NT5C2: variants seen among roughly 807,000 people sequenced by gnomAD.
The protein encoded by NT5C2 is 5'-nucleotidase, cytosolic II, also known as cytosolic purine 5'-nucleotidase.
NT5C2 carries 58 observed loss-of-function variants against 76.1 expected under a neutral mutation model. That is an observed-to-expected ratio of 0.76 (90% confidence interval 0.62 to 0.95). The LOEUF is 0.95. NT5C2 is among the 40% of genes least tolerant of loss of function. The probability of loss-of-function intolerance (pLI) is 0.00; values close to 1 mark genes in which losing one functional copy is unlikely to be tolerated. For missense variants in NT5C2, 478 were observed against 690.3 expected, an observed-to-expected ratio of 0.69 and a Z score of 3.45; for synonymous variants, 229 against 237.4, an observed-to-expected ratio of 0.96 and a Z score of 0.32.
At chr10:103,108,929 A>T (rs887727939) in intron 4 of NT5C2, among the ~76,000 whole-genome samples, 4 of 150,604 alleles carry the variant, frequency 2.7e-5, no homozygotes, top group African/African-American at 9.8e-5. Flanking sequence ...CGTGATCTTG[A>T]CTCACTGCAA....
chr10:103,149,237 T>C (rs951911070), intron 3 of NT5C2, among the ~76,000 whole-genome samples: 2 of 152,208 alleles, frequency 1.3e-5, no homozygotes, highest in African/African-American at 4.8e-5. Flanking sequence ...GCCCAGTTTC[T>C]GGGATGTTTA....
At chr10:103,153,327 G>C in intron 3 of NT5C2, 1 of 1,280,274 alleles carries the variant, frequency 7.8e-7, no homozygotes, top group Non-Finnish European at 1.0e-6. Flanking sequence ...ACTTCCTCTG[G>C]ATGAGAATAC....
At chr10:103,176,446 A>C (rs935007361) in intron 2 of NT5C2, among the ~76,000 whole-genome samples, 14 of 152,098 alleles carry the variant, frequency 9.2e-5, no homozygotes, top group African/African-American at 3.4e-4. Context: ...CAAATCCCTG[A>C]GCCAGAAGTG....
intron 12 of NT5C2, among the ~76,000 whole-genome samples, 196 bp downstream of exon 12, chr10:103,095,743 C>T (rs1406344542): frequency 1.3e-5 from 2 of 152,156 alleles, no homozygotes; most frequent in African/African-American, 4.8e-5. Context: ...AAGTTGCGGA[C>T]TCTAAATTAG....
Position 103,089,753 on chromosome 10 carries a change from G to A in NT5C2, c.1605C>T (p.Asn535=), listed in dbSNP as rs1353529258. ...TRSISEIKPP[N]LFPLAPQEIT... is the part of the protein sequence containing the mutation. ...TTTCCTGGGGGGCCAGTGGGAAGAG[G>A]TTGGGAGGTTTAATCTCACTAATTG... Residue 535 remains asparagine (N), a synonymous_variant, in exon 19 of 19, where the codon AAC becomes AAT. Transcript: ENST00000404739. 6.2e-7 allele frequency: 1 copy of A among 1,613,874 alleles called. No individual in the cohort carries two copies. Among genetic ancestry groups the A allele is most frequent in the Non-Finnish European group, 8.5e-7 (1 of 1,179,994 alleles).
At chr10:103,123,321 G>A (rs1346315344) in intron 4 of NT5C2, among the ~76,000 whole-genome samples, 3 of 151,914 alleles carry the variant, frequency 2.0e-5, no homozygotes, top group African/African-American at 7.3e-5. Context: ...CAGGGTATAC[G>A]TGCAGGATGT....
intron 3 of NT5C2, among the ~76,000 whole-genome samples, chr10:103,166,480 T>C (rs1435517153): frequency 6.6e-6 from 1 of 152,234 alleles, no homozygotes; most frequent in African/African-American, 2.4e-5. Flanking sequence ...TTTTTACTGC[T>C]GAATAGAATT....
chr10:103,159,595 G>A (rs2084301347), intron 3 of NT5C2, among the ~76,000 whole-genome samples: 1 of 151,138 alleles, frequency 6.6e-6, no homozygotes, highest in Admixed American at 6.6e-5. Context: ...GTTACAGTGA[G>A]CTATGATCAT....
chr10:103,117,184 A>G (rs1282717484), intron 4 of NT5C2, among the ~76,000 whole-genome samples: 1 of 152,244 alleles, frequency 6.6e-6, no homozygotes, highest in African/African-American at 2.4e-5. Flanking sequence ...ATTTGCTCCA[A>G]AATAAGCTGT....
In NT5C2 at chr10:103,098,933, C is replaced by G. The variant is rs1590754368; in HGVS notation, c.685G>C (p.Asp229His). The G allele has an allele frequency of 1.2e-6, 2 of 1,602,758 alleles. No individual in the cohort carries two copies. Among genetic ancestry groups the G allele is most frequent in the Non-Finnish European group, 1.7e-6 (2 of 1,170,912 alleles). Reference sequence around the variant, plus strand: ...CTATTTTCCCCTATATTACTTACATCTTTGACTACATACTTCTCAAGATTT... The same window carrying G: ...CTATTTTCCCCTATATTACTTACATGTTTGACTACATACTTCTCAAGATTT... ...VENLEKYVVKDGKLPLLLSRM... is the reference protein window; with the variant it reads ...VENLEKYVVKHGKLPLLLSRM... Residue 229 changes from aspartate to histidine, a missense_variant and splice_region_variant, in exon 10 of 19, where the codon GAT becomes CAT. Transcript: ENST00000404739.
intron 2 of NT5C2, chr10:103,175,724 C>A: frequency 3.7e-6 from 1 of 267,572 alleles, no homozygotes; most frequent in Non-Finnish European, 7.0e-6. Context: ...CATGAGGCAG[C>A]CGGGGCCACT....
At chr10:103,175,301 G>A (rs571599231) in intron 2 of NT5C2, among the ~76,000 whole-genome samples, 1 of 152,284 alleles carries the variant, frequency 6.6e-6, no homozygotes, top group Admixed American at 6.5e-5. Context: ...AGTTTGTGAA[G>A]ATATATAATT....
At chr10:103,183,948 T>G (rs910408813) in intron 1 of NT5C2, among the ~76,000 whole-genome samples, 3 of 148,776 alleles carry the variant, frequency 2.0e-5, no homozygotes, top group African/African-American at 4.9e-5. Flanking sequence ...AGTTTTTGGT[T>G]TTTTTTTTTT....
chr10:103,101,529 T>A (rs1220337478), intron 6 of NT5C2, among the ~76,000 whole-genome samples: 2 of 149,316 alleles, frequency 1.3e-5, no homozygotes, highest in Admixed American at 1.3e-4. Flanking sequence ...TTTTTTTTTT[T>A]AAGACAGTCT....
At chr10:103,148,551 C>G (rs1033879786) in intron 3 of NT5C2, among the ~76,000 whole-genome samples, 2 of 151,590 alleles carry the variant, frequency 1.3e-5, no homozygotes, top group African/African-American at 4.8e-5. Context: ...TTGCAGTGAG[C>G]CAAGATCGTG....
chr10:103,094,295 G>T, intron 13 of NT5C2, 53 bp downstream of exon 13: 2 of 1,178,512 alleles, frequency 1.7e-6, no homozygotes, highest in Non-Finnish European at 2.5e-6. Context: ...AGTGGGGGAA[G>T]GAGAAACATT....
intron 3 of NT5C2, among the ~76,000 whole-genome samples, chr10:103,156,558 C>T (rs111226528): frequency 2.7e-5 from 4 of 149,536 alleles, no homozygotes; most frequent in African/African-American, 9.9e-5. Flanking sequence ...AGTTCTAAGA[C>T]CAGCCCAGCC....
At chr10:103,186,006 T>C (rs1224428146) in intron 1 of NT5C2, among the ~76,000 whole-genome samples, 1 of 152,242 alleles carries the variant, frequency 6.6e-6, no homozygotes, top group Non-Finnish European at 1.5e-5. Context: ...TAGTACATAT[T>C]TTAACTCACT....
intron 15 of NT5C2, among the ~76,000 whole-genome samples, chr10:103,092,767 T>C (rs899966920): frequency 2.6e-5 from 4 of 152,126 alleles, no homozygotes; most frequent in African/African-American, 9.7e-5. Flanking sequence ...TGCCCCAGAA[T>C]CACAGATATG....
Sources: allele counts gnomAD v4.1 joint callset (sites outside exome capture counted in the v4.1 genomes callset), GRCh38; gene constraint gnomAD v4.1.1; transcripts MANE v1.5; gene names NCBI Gene and HGNC (gene_info 2026-07-23, HGNC 2026-07-21).